KPNB1: variants seen among roughly 807,000 people sequenced by gnomAD.
KPNB1 encodes the protein karyopherin subunit beta 1.
In KPNB1, 7 loss-of-function variants were observed where a neutral mutation model predicts 113.0. The observed-to-expected ratio is 0.06, with a 90% confidence interval of 0.04 to 0.12. The LOEUF (loss-of-function observed/expected upper bound fraction) is 0.12, where lower values mean the gene tolerates loss of function less well. KPNB1 is among the 10% of genes least tolerant of loss of function. The probability of loss-of-function intolerance (pLI) is 1.00; values close to 1 mark genes in which losing one functional copy is unlikely to be tolerated. For missense variants in KPNB1, 400 were observed against 1,054.8 expected (o/e 0.38, Z 8.60); for synonymous variants, 363 against 378.6 (o/e 0.96, Z 0.48).
rs1028466045 is a variant in KPNB1, at chr17:47,685,104, TA to T, written c.*2702del. 2.0e-5 allele frequency: 3 copies of T among 152,188 alleles called. No individual in the cohort carries two copies. The highest frequency in any genetic ancestry group is 1.5e-5 in the Non-Finnish European group (1 of 68,044). The allele number at this position is 152,188 out of a possible 1,614,324, so 9.4% of individuals were successfully genotyped here. A position where few individuals can be genotyped will look rare whatever the true frequency, so the allele number is the denominator to read the frequency against. On this transcript the variant is annotated 3_prime_UTR_variant, in exon 22 of 22. Transcript: ENST00000290158. ...AGCTGCCTGTATCAATTACATTTATTAATTTTGCTTTTCATTTTTCCCAGTT... is the reference window on the plus strand; with the variant it reads ...AGCTGCCTGTATCAATTACATTTATTATTTTGCTTTTCATTTTTCCCAGTT...
chr17:47,670,684 A>C lies in KPNB1; in HGVS notation c.1417-18A>C. The C allele has an allele frequency of 6.3e-7, 1 of 1,598,396 alleles. No individual in the cohort carries two copies. On this transcript the variant is annotated intron_variant, in intron 11 of 21. Coordinates refer to ENST00000290158, the MANE Select transcript of KPNB1 (RefSeq NM_002265.6). ...TGGGGTTCTTTCAGGATTAACATTGAACCTATGTGCATTTCAGGCTTTCTC... is the reference window on the plus strand; with the variant it reads ...TGGGGTTCTTTCAGGATTAACATTGCACCTATGTGCATTTCAGGCTTTCTC...
In KPNB1 at chr17:47,685,328, A is replaced by G. The variant is rs1331266797; in HGVS notation, c.*2924A>G. On this transcript the variant is annotated 3_prime_UTR_variant, in exon 22 of 22. Transcript: ENST00000290158. Reference sequence around the variant, plus strand: ...AAAAATCCAAACTCATCAGCTTTTGATAGCATCTTGGTTTTTGAAACAACT... The same window carrying G: ...AAAAATCCAAACTCATCAGCTTTTGGTAGCATCTTGGTTTTTGAAACAACT... 2 of 152,162 alleles carry G rather than the reference A, an allele frequency of 1.3e-5. No individual in the cohort carries two copies. The highest frequency in any genetic ancestry group is 2.9e-5 in the Non-Finnish European group (2 of 68,038). The allele number at this position is 152,162 out of a possible 1,614,324, so 9.4% of individuals were successfully genotyped here.
chr17:47,683,090 T>TG lies in KPNB1; in HGVS notation c.*686_*687insG, dbSNP rs1237177181. The TG allele has an allele frequency of 5.8e-5, 1 of 17,250 alleles. No homozygotes were observed. Among genetic ancestry groups the TG allele is most frequent in the Non-Finnish European group, 9.8e-5 (1 of 10,230 alleles). 1.1% of individuals were successfully genotyped at this position (17,250 alleles called of 1,614,324 possible). On this transcript the variant is annotated 3_prime_UTR_variant, in exon 22 of 22. Transcript: ENST00000290158. ...GTTTACTGATGCAGCACAAGAGATGTAAAAAAAAAAAAAAAAAAAAAAAAA... is the reference window on the plus strand; with the variant it reads ...GTTTACTGATGCAGCACAAGAGATGTGAAAAAAAAAAAAAAAAAAAAAAAAA...
intron 2 of KPNB1, 100 bp downstream of exon 2, chr17:47,650,544 GCCCCATCCCGT>G: frequency 1.3e-6 from 1 of 773,770 alleles, no homozygotes; most frequent in Non-Finnish European, 2.0e-6. Context: ...AACCTACCCC[GCCCCATCCCGT>G]CCCCCTCCCC....
intron 15 of KPNB1, 91 bp downstream of exon 15, chr17:47,674,873 G>C: frequency 7.4e-7 from 1 of 1,356,334 alleles, no homozygotes; most frequent in South Asian, 1.4e-5. Context: ...CTGGAGTGCA[G>C]TGGCACGATC....
At chr17:47,660,348 A>G (rs1259676446) in intron 5 of KPNB1, among the ~76,000 whole-genome samples, 1 of 152,142 alleles carries the variant, frequency 6.6e-6, no homozygotes, top group African/African-American at 2.4e-5. Flanking sequence ...TTGTTTATCT[A>G]GTCTTCCATC....
rs1450981607 is a variant in KPNB1, at chr17:47,650,026, C to T, written c.-219C>T. 14 of 1,363,172 alleles carry T rather than the reference C, an allele frequency of 1.0e-5. No individual in the cohort carries two copies. Among genetic ancestry groups the T allele is most frequent in the Non-Finnish European group, 1.3e-5 (14 of 1,064,102 alleles). The allele number at this position is 1,363,172 out of a possible 1,614,324, so 84.4% of individuals were successfully genotyped here. A position where few individuals can be genotyped will look rare whatever the true frequency, so the allele number is the denominator to read the frequency against. On this transcript the variant is annotated 5_prime_UTR_variant, in exon 1 of 22. Coordinates refer to ENST00000290158, the MANE Select transcript of KPNB1 (RefSeq NM_002265.6). ...TGCCCCCAGGGTCCCTCCCCCGCCGCCAGCAGCCCATTTGGAGGGAGGAAG... is the reference window on the plus strand; with the variant it reads ...TGCCCCCAGGGTCCCTCCCCCGCCGTCAGCAGCCCATTTGGAGGGAGGAAG...
chr17:47,656,740 C>A, intron 3 of KPNB1, 120 bp from the exon 4 acceptor site: 1 of 955,112 alleles, frequency 1.0e-6, no homozygotes, highest in Non-Finnish European at 1.6e-6. Context: ...ATAGTGAGAC[C>A]CTGTCTTAAG....
chr17:47,672,017 C>CT lies in KPNB1; in HGVS notation c.1548-987dup, dbSNP rs11316050. On this transcript the variant is annotated intron_variant, in intron 12 of 21. Transcript: ENST00000290158. ...GAAGAGAGCTGAGCACAAAATCTTC[C>CT]TTTTTTTTTTTTTTGAGACAGTCTT... 1.2e-3 allele frequency among the ~76,000 whole-genome samples: 176 copies of CT among 145,502 alleles called. 1 individual carries two copies. The highest frequency in any genetic ancestry group is 3.6e-3 in the Middle Eastern group (1 of 280).
At chr17:47,668,893 ATGT>A (rs952447230) in intron 10 of KPNB1, among the ~76,000 whole-genome samples, 8 of 151,730 alleles carry the variant, frequency 5.3e-5, no homozygotes, top group African/African-American at 1.5e-4. Context: ...TCTTATGGAA[ATGT>A]TGTGCTTGTT....
rs989036988 is a variant in KPNB1, at chr17:47,680,221, G to A, written c.2468+87G>A. The A allele has an allele frequency of 1.6e-5, 16 of 973,336 alleles. No homozygotes were observed. In the Admixed American group the frequency reaches 1.7e-4, roughly 11 times the overall value. 60.3% of individuals were successfully genotyped at this position (973,336 alleles called of 1,614,324 possible). On this transcript the variant is annotated intron_variant, in intron 20 of 21. Transcript: ENST00000290158. ...GAGTAAGGAGTTTTGAGAGTATCGC[G>A]GATGGCAACAGTTCACTTTTTTGGC... is the stretch of plus-strand genomic sequence containing the variant.
At chr17:47,675,117 C>T (rs926170234) in intron 15 of KPNB1, among the ~76,000 whole-genome samples, 3 of 152,034 alleles carry the variant, frequency 2.0e-5, no homozygotes, top group African/African-American at 7.2e-5. Context: ...CTGGGCCCAG[C>T]TTAATTTTGT....
intron 6 of KPNB1, 35 bp downstream of exon 6, chr17:47,661,213 ATCTT>A: frequency 1.3e-6 from 2 of 1,503,690 alleles, no homozygotes; most frequent in Non-Finnish European, 1.9e-6. Flanking sequence ...TCTGTCTTAC[ATCTT>A]TCTTAGGAAA....
chr17:47,664,855 C>A (rs892406531), intron 8 of KPNB1, among the ~76,000 whole-genome samples: 3 of 152,112 alleles, frequency 2.0e-5, no homozygotes, highest in Non-Finnish European at 4.4e-5. Flanking sequence ...TTAATGTTGC[C>A]TTGGACCTAT....
intron 19 of KPNB1, chr17:47,679,786 T>C (rs1280849028): frequency 2.8e-6 from 1 of 354,806 alleles, no homozygotes; most frequent in Non-Finnish European, 5.3e-6. Context: ...AAGCTCCGCC[T>C]CCTGGGTTCA....
chr17:47,682,556 C>G lies in KPNB1; in HGVS notation c.*152C>G. ...TTGAAAACACACCACATTGAAAATC[C>G]TGCCACAGCAGCAGCCGCAGCCGCC... On this transcript the variant is annotated 3_prime_UTR_variant, in exon 22 of 22. Transcript: ENST00000290158. The G allele has an allele frequency of 1.5e-6, 1 of 669,494 alleles. No homozygotes were observed. Among genetic ancestry groups the G allele is most frequent in the Non-Finnish European group, 2.7e-6 (1 of 365,564 alleles). 41.5% of individuals were successfully genotyped at this position (669,494 alleles called of 1,614,324 possible).
chr17:47,670,456 A>C (rs991010212), intron 11 of KPNB1: 1 of 326,340 alleles, frequency 3.1e-6, no homozygotes, highest in Non-Finnish European at 5.7e-6. Flanking sequence ...AAGAAATGGC[A>C]GGTATTGGTG....
chr17:47,671,333 A>G (rs1195544109), intron 12 of KPNB1, among the ~76,000 whole-genome samples: 2 of 152,212 alleles, frequency 1.3e-5, no homozygotes, highest in African/African-American at 2.4e-5. Flanking sequence ...CCTACCTTAG[A>G]ATTGTTCAGT....
In KPNB1 at chr17:47,666,553, T is replaced by TTA. The variant is rs1174023288; in HGVS notation, c.999+1397_999+1398dup. 1.1e-3 allele frequency among the ~76,000 whole-genome samples: 49 copies of TTA among 45,338 alleles called. No individual in the cohort carries two copies. The South Asian group carries it at 0.017, about 16-fold the overall frequency. 29.7% of individuals were successfully genotyped at this position (45,338 alleles called of 152,430 possible). ...TATGTTATATATTATATATTATATA[T>TTA]TATGTTATATGTTATATATTTTATA... is the stretch of plus-strand genomic sequence containing the variant. On this transcript the variant is annotated intron_variant, in intron 9 of 21. Transcript: ENST00000290158.
Sources: gnomAD v4.1 joint callset for allele counts (sites outside exome capture counted in the v4.1 genomes callset) on GRCh38, gnomAD v4.1.1 for gene constraint, MANE v1.5 for transcripts, NCBI Gene and HGNC (gene_info 2026-07-23, HGNC 2026-07-21) for gene names.